GDPD4: variants seen among roughly 807,000 people sequenced by gnomAD.
The protein encoded by GDPD4 is glycerophosphodiester phosphodiesterase domain containing 4, also known as glycerophosphodiester phosphodiesterase 6.
In GDPD4, 60 loss-of-function variants were observed where a neutral mutation model predicts 67.8. The ratio of observed to expected loss-of-function variants is 0.88; its 90% CI spans 0.72 to 1.10. The LOEUF (loss-of-function observed/expected upper bound fraction) is 1.10. Ranked by LOEUF, GDPD4 falls within the 50% of genes least tolerant of loss-of-function variation. The pLI, the probability that GDPD4 is intolerant of heterozygous loss-of-function variation, is 0.00. For missense variants in GDPD4, 623 were observed against 613.9 expected, an observed-to-expected ratio of 1.01 and a Z score of -0.16; for synonymous variants, 212 against 210.9, an observed-to-expected ratio of 1.00 and a Z score of -0.04.
chr11:77,266,479 T>TACTAC (rs1959178610), intron 10 of GDPD4, among the ~76,000 whole-genome samples: 1 of 152,214 alleles, frequency 6.6e-6, no homozygotes, highest in African/African-American at 2.4e-5. Flanking sequence ...TTTATATATT[T>TACTAC]ACTACACTAC....
At chr11:77,224,353 T>C (rs1958285922) in intron 16 of GDPD4, 1 of 152,226 alleles carries the variant, frequency 6.6e-6, no homozygotes, top group Non-Finnish European at 1.5e-5. Context: ...TTACCTCTCT[T>C]GATTAGGTTA....
chr11:77,243,590 C>T, intron 13 of GDPD4, 104 bp downstream of exon 13: 11 of 1,015,328 alleles, frequency 1.1e-5, no homozygotes, highest in Non-Finnish European at 1.7e-5. Context: ...TAACCACACA[C>T]AGAAATTCCG....
At chr11:77,258,690 A>G in intron 10 of GDPD4, 148 bp from the exon 11 acceptor site, 1 of 655,732 alleles carries the variant, frequency 1.5e-6, no homozygotes, top group Non-Finnish European at 2.7e-6. Flanking sequence ...GCTACATATC[A>G]GTCATTTACA....
chr11:77,284,246 T>C (rs1959887889), intron 3 of GDPD4, among the ~76,000 whole-genome samples: 2 of 152,198 alleles, frequency 1.3e-5, no homozygotes, highest in Admixed American at 1.3e-4. Flanking sequence ...TTAAATGATG[T>C]TCATTAGGAG....
chr11:77,281,832 C>T (rs146049500), intron 3 of GDPD4, among the ~76,000 whole-genome samples: 11 of 152,164 alleles, frequency 7.2e-5, no homozygotes, highest in African/African-American at 1.4e-4. Context: ...TTAGTCTGCT[C>T]CCCCTAGGTA....
chr11:77,274,998 C>T (rs1308281592), intron 5 of GDPD4, among the ~76,000 whole-genome samples: 1 of 151,916 alleles, frequency 6.6e-6, no homozygotes, highest in Non-Finnish European at 1.5e-5. Context: ...CTACAGTTAG[C>T]AATAATTTAT....
At chr11:77,296,302 T>C (rs566011114) in intron 1 of GDPD4, among the ~76,000 whole-genome samples, 73 of 147,148 alleles carry the variant, frequency 5.0e-4, no homozygotes, top group Non-Finnish European at 8.7e-4. Flanking sequence ...TATGAATTGA[T>C]GTATGGATTA....
chr11:77,231,717 T>A (rs1958458529), intron 14 of GDPD4, among the ~76,000 whole-genome samples: 1 of 152,194 alleles, frequency 6.6e-6, no homozygotes, highest in Non-Finnish European at 1.5e-5. Flanking sequence ...ATTCAGGGGA[T>A]AGGATTATGG....
intron 16 of GDPD4, among the ~76,000 whole-genome samples, chr11:77,219,352 AGTTT>A (rs1241561223): frequency 2.0e-5 from 3 of 152,196 alleles, no homozygotes; most frequent in African/African-American, 7.2e-5. Flanking sequence ...CTCCGATGGC[AGTTT>A]GTTTTGCTGT....
chr11:77,229,332 G>A (rs1958409990), intron 14 of GDPD4, 100 bp from the exon 15 acceptor site: 2 of 677,446 alleles, frequency 3.0e-6, no homozygotes, highest in Non-Finnish European at 5.1e-6. Context: ...TGGAGGAGGA[G>A]AGGAAGAGGG....
chr11:77,252,068 T>TGTG (rs1218243664), intron 11 of GDPD4, among the ~76,000 whole-genome samples: 1 of 142,658 alleles, frequency 7.0e-6, no homozygotes, highest in African/African-American at 2.6e-5. Flanking sequence ...TTTTTTTGTT[T>TGTG]TTTTTTTTTT....
chr11:77,266,735 T>C (rs577748263), intron 10 of GDPD4, among the ~76,000 whole-genome samples: 1 of 152,116 alleles, frequency 6.6e-6, no homozygotes, highest in South Asian at 2.1e-4. Flanking sequence ...TTTCTTAGTT[T>C]CTAACAAAAA....
intron 5 of GDPD4, among the ~76,000 whole-genome samples, chr11:77,273,716 T>C (rs921515357): frequency 6.6e-6 from 1 of 152,226 alleles, no homozygotes; most frequent in African/African-American, 2.4e-5. Context: ...CCTAGGCTCA[T>C]TGGTAGCCTA....
chr11:77,224,846 A>T lies in GDPD4; in HGVS notation c.1525+3018T>A, dbSNP rs114029036. On this transcript the variant is annotated intron_variant, in intron 16 of 16. Coordinates refer to ENST00000315938, the MANE Select transcript of GDPD4 (RefSeq NM_182833.3). ...GCTGGGCAGGGTAGCTCACATCTGT[A>T]ATTCCAGTGCTTTAGGAGGCCAAGG... Among the ~76,000 whole-genome samples the T allele has an allele frequency of 2.4e-3, 372 of 152,250 alleles. 1 individual carries two copies. Among genetic ancestry groups the T allele is most frequent in the African/African-American group, 8.6e-3 (358 of 41,554 alleles).
chr11:77,239,116 T>C lies in GDPD4; in HGVS notation c.1241+4578A>G, dbSNP rs531969052. ...AACCATATGATCATCTCAATAGATA[T>C]AGAAAAAGCGTTTAACAAAATTCAA... On this transcript the variant is annotated intron_variant, in intron 13 of 16. Coordinates refer to ENST00000315938, the MANE Select transcript of GDPD4 (RefSeq NM_182833.3). 3.9e-5 allele frequency among the ~76,000 whole-genome samples: 6 copies of C among 152,314 alleles called. No homozygotes were observed. In the East Asian group the frequency reaches 5.8e-4, roughly 15 times the overall value.
intron 13 of GDPD4, among the ~76,000 whole-genome samples, chr11:77,234,156 G>A (rs1052311616): frequency 2.0e-5 from 3 of 152,098 alleles, no homozygotes; most frequent in African/African-American, 7.2e-5. Flanking sequence ...TAAATTCTTG[G>A]CCTCAGTATA....
intron 16 of GDPD4, among the ~76,000 whole-genome samples, chr11:77,220,425 A>C (rs1377382634): frequency 3.3e-5 from 5 of 152,248 alleles, no homozygotes; most frequent in Non-Finnish European, 5.9e-5. Flanking sequence ...GGGCTGTTGA[A>C]TGTTGTCAAA....
chr11:77,284,309 A>G (rs1959893272), intron 3 of GDPD4, among the ~76,000 whole-genome samples: 1 of 152,218 alleles, frequency 6.6e-6, no homozygotes, highest in African/African-American at 2.4e-5. Flanking sequence ...AGAAAGCAAA[A>G]TTATGTATAC....
At chr11:77,297,294 C>T (rs1329535653) in intron 1 of GDPD4, among the ~76,000 whole-genome samples, 1 of 151,944 alleles carries the variant, frequency 6.6e-6, no homozygotes, top group Non-Finnish European at 1.5e-5. Context: ...TGCCTGTAAT[C>T]CCAGCACTTT....
Sources: gnomAD v4.1 joint callset for allele counts (sites outside exome capture counted in the v4.1 genomes callset) on GRCh38, gnomAD v4.1.1 for gene constraint, MANE v1.5 for transcripts, NCBI Gene and HGNC (gene_info 2026-07-23, HGNC 2026-07-21) for gene names.